AUTS2: variants seen among roughly 807,000 people sequenced by gnomAD.
AUTS2 encodes activator of transcription and developmental regulator AUTS2, also known as autism susceptibility gene 2 protein.
AUTS2 carries 17 observed loss-of-function variants against 112.4 expected under a neutral mutation model. That is an observed-to-expected ratio of 0.15 (90% CI 0.10 to 0.23). The LOEUF is 0.23. Among genes scored for constraint, AUTS2 ranks in the 10% least tolerant of loss-of-function variants. AUTS2 has a pLI of 1.00. For synonymous variants in AUTS2, 751 were observed against 702.7 expected, an observed-to-expected ratio of 1.07 and a Z score of -1.09; for missense variants, 1,510 against 1,701.6, an observed-to-expected ratio of 0.89 and a Z score of 1.98.
intron 4 of AUTS2, among the ~76,000 whole-genome samples, chr7:70,217,062 C>G (rs1023228852): frequency 1.3e-5 from 2 of 151,786 alleles, no homozygotes; most frequent in East Asian, 3.9e-4. Context: ...TTTTTTTTTC[C>G]GGCTACTACC....
intron 4 of AUTS2, among the ~76,000 whole-genome samples, chr7:70,308,796 T>G (rs1436231702): frequency 1.3e-5 from 2 of 152,212 alleles, no homozygotes; most frequent in Non-Finnish European, 2.9e-5. Context: ...AATTTTTTTT[T>G]GTATAGCCAA....
intron 2 of AUTS2, among the ~76,000 whole-genome samples, chr7:70,031,888 T>G (rs911910929): frequency 6.6e-6 from 1 of 152,182 alleles, no homozygotes; most frequent in African/African-American, 2.4e-5. Flanking sequence ...CACTAAAACT[T>G]GAAATTCACC....
chr7:70,434,314 A>G (rs771888187), intron 4 of AUTS2, among the ~76,000 whole-genome samples: 4 of 152,170 alleles, frequency 2.6e-5, no homozygotes, highest in Non-Finnish European at 5.9e-5. Flanking sequence ...TTTAACCTCA[A>G]AGTGTCAGGA....
chr7:70,026,100 G>A (rs549702840), intron 2 of AUTS2, among the ~76,000 whole-genome samples: 1 of 152,292 alleles, frequency 6.6e-6, no homozygotes, highest in South Asian at 2.1e-4. Flanking sequence ...AGTCACAGAA[G>A]ATGGGCGCTG....
chr7:70,231,467 G>C (rs1034211444), intron 4 of AUTS2, among the ~76,000 whole-genome samples: 1 of 152,160 alleles, frequency 6.6e-6, no homozygotes, highest in East Asian at 1.9e-4. Context: ...TTTTGAGACA[G>C]AGTCTCACTC....
intron 2 of AUTS2, among the ~76,000 whole-genome samples, chr7:70,067,539 G>A (rs1397832557): frequency 6.6e-6 from 1 of 152,084 alleles, no homozygotes. Context: ...TGCTGAGTTG[G>A]TGATCAGATG....
intron 1 of AUTS2, among the ~76,000 whole-genome samples, chr7:69,601,230 G>A (rs1013148710): frequency 1.3e-5 from 2 of 152,070 alleles, no homozygotes; most frequent in Admixed American, 1.3e-4. Context: ...TTTATAGTTG[G>A]CTTATAGTGT....
At chr7:69,865,818 C>G (rs192340103) in intron 1 of AUTS2, among the ~76,000 whole-genome samples, 2 of 152,116 alleles carry the variant, frequency 1.3e-5, no homozygotes, top group Admixed American at 1.3e-4. Context: ...CCAAATTTTT[C>G]TCCTCAACTT....
chr7:69,620,748 G>A lies in AUTS2; in HGVS notation c.309+20786G>A, dbSNP rs145680224. On this transcript the variant is annotated intron_variant, in intron 1 of 18. Coordinates refer to ENST00000342771, the MANE Select transcript of AUTS2 (RefSeq NM_015570.4). The stretch of plus-strand genomic sequence containing the variant: ...GACTTCCGGGTGTGGGAAGGTGGGT[G>A]GAAAATGAGTTTTTGTTAATATTCA... 1.9e-3 allele frequency among the ~76,000 whole-genome samples: 287 copies of A among 152,260 alleles called. 1 individual carries two copies. Among genetic ancestry groups the A allele is most frequent in the African/African-American group, 6.6e-3 (275 of 41,556 alleles).
At chr7:70,067,900 A>G (rs1010412638) in intron 2 of AUTS2, among the ~76,000 whole-genome samples, 2 of 151,650 alleles carry the variant, frequency 1.3e-5, no homozygotes, top group African/African-American at 4.8e-5. Flanking sequence ...CAGCCAAAAT[A>G]CCCAACATCA....
At chr7:70,011,377 C>T (rs1799801050) in intron 2 of AUTS2, among the ~76,000 whole-genome samples, 1 of 143,430 alleles carries the variant, frequency 7.0e-6, no homozygotes, top group Admixed American at 7.2e-5. Context: ...TCATTTTTCC[C>T]TTTTCTACTC....
chr7:69,654,964 A>G (rs1795457129), intron 1 of AUTS2, among the ~76,000 whole-genome samples: 1 of 152,162 alleles, frequency 6.6e-6, no homozygotes, highest in Admixed American at 6.5e-5. Flanking sequence ...GTTAATTGGT[A>G]GAGGTTGTGT....
At chr7:69,821,860 G>A (rs927106134) in intron 1 of AUTS2, among the ~76,000 whole-genome samples, 1 of 148,322 alleles carries the variant, frequency 6.7e-6, no homozygotes, top group Admixed American at 6.8e-5. Flanking sequence ...AGGCTGCAGT[G>A]AGCTGTGATT....
At chr7:69,624,139 G>T (rs1793819565) in intron 1 of AUTS2, among the ~76,000 whole-genome samples, 1 of 152,162 alleles carries the variant, frequency 6.6e-6, no homozygotes. Flanking sequence ...CTGATATTAA[G>T]ATTACGTTCT....
chr7:70,158,192 C>A (rs897987145), intron 4 of AUTS2, among the ~76,000 whole-genome samples: 1 of 151,812 alleles, frequency 6.6e-6, no homozygotes, highest in African/African-American at 2.4e-5. Flanking sequence ...GTGGTCTTGA[C>A]AAGTCTTGTT....
intron 5 of AUTS2, among the ~76,000 whole-genome samples, chr7:70,634,589 C>G (rs1399375856): frequency 6.6e-6 from 1 of 152,150 alleles, no homozygotes; most frequent in East Asian, 1.9e-4. Context: ...GTACATCATT[C>G]TCTCCACACA....
chr7:70,713,011 CA>C (rs1357399175), intron 6 of AUTS2, among the ~76,000 whole-genome samples: 1 of 152,226 alleles, frequency 6.6e-6, no homozygotes, highest in Non-Finnish European at 1.5e-5. Flanking sequence ...GCCTTGTGAA[CA>C]GGCCTACTCA....
chr7:70,271,031 C>G (rs73432988), intron 4 of AUTS2, among the ~76,000 whole-genome samples: 2,079 of 152,086 alleles, frequency 0.014, 66 homozygotes, highest in African/African-American at 0.048. Flanking sequence ...GGCAGGCAGA[C>G]CCTCACACTA....
intron 1 of AUTS2, among the ~76,000 whole-genome samples, chr7:69,631,849 C>T (rs1306717142): frequency 6.6e-6 from 1 of 152,130 alleles, no homozygotes; most frequent in African/African-American, 2.4e-5. Flanking sequence ...ACACTAGAAC[C>T]TTGTATGTAT....
Sources: gnomAD v4.1 joint callset for allele counts (sites outside exome capture counted in the v4.1 genomes callset) on GRCh38, gnomAD v4.1.1 for gene constraint, MANE v1.5 for transcripts, NCBI Gene and HGNC (gene_info 2026-07-23, HGNC 2026-07-21) for gene names.